Variants in TMEM163 observed in about 807,000 individuals in gnomAD.
TMEM163 encodes the protein transmembrane protein 163.
Under a neutral mutation model 29.3 loss-of-function variants are expected in TMEM163, and 17 were observed. The observed-to-expected ratio is 0.58, with a 90% CI of 0.40 to 0.87. The LOEUF is 0.87. Among genes scored for constraint, TMEM163 ranks in the 40% least tolerant of loss-of-function variants. TMEM163 has a pLI of 0.00. For missense variants in TMEM163, 303 were observed against 381.5 expected, an observed-to-expected ratio of 0.79 and a Z score of 1.71; for synonymous variants, 157 against 160.6, an observed-to-expected ratio of 0.98 and a Z score of 0.17.
chr2:134,581,141 C>T (rs981158151), intron 2 of TMEM163, among the ~76,000 whole-genome samples: 1 of 152,144 alleles, frequency 6.6e-6, no homozygotes, highest in Admixed American at 6.5e-5. Context: ...TGGGGCAAAT[C>T]CGACGGAAAA....
At chr2:134,648,555 C>A (rs781315637) in intron 2 of TMEM163, among the ~76,000 whole-genome samples, 34 of 152,122 alleles carry the variant, frequency 2.2e-4, no homozygotes, top group Non-Finnish European at 4.1e-4. Flanking sequence ...CTATCACTAC[C>A]TGATGAGTAG....
At chr2:134,509,268 C>G (rs1558927665) in intron 4 of TMEM163, among the ~76,000 whole-genome samples, 1 of 152,190 alleles carries the variant, frequency 6.6e-6, no homozygotes, top group African/African-American at 2.4e-5. Flanking sequence ...CAAATGGCCA[C>G]ATGTAGTTGG....
chr2:134,532,421 A>G (rs1404114673), intron 4 of TMEM163, among the ~76,000 whole-genome samples: 1 of 152,190 alleles, frequency 6.6e-6, no homozygotes, highest in African/African-American at 2.4e-5. Context: ...CGGAAAAATT[A>G]CTCTGGAATC....
intron 2 of TMEM163, among the ~76,000 whole-genome samples, chr2:134,695,247 T>G (rs1157467695): frequency 6.6e-6 from 1 of 152,004 alleles, no homozygotes; most frequent in Non-Finnish European, 1.5e-5. Context: ...TGGCTAATTT[T>G]TTGTATTTCC....
intron 4 of TMEM163, among the ~76,000 whole-genome samples, chr2:134,524,283 T>C (rs1380349924): frequency 6.6e-6 from 1 of 152,016 alleles, no homozygotes; most frequent in Non-Finnish European, 1.5e-5. Context: ...GCCATAGAGG[T>C]GTAATTGGTC....
intron 2 of TMEM163, among the ~76,000 whole-genome samples, chr2:134,571,766 T>C (rs1681437038): frequency 6.6e-6 from 1 of 152,278 alleles, no homozygotes; most frequent in African/African-American, 2.4e-5. Context: ...TAGCATCAAG[T>C]TGGGACAACA....
intron 4 of TMEM163, among the ~76,000 whole-genome samples, chr2:134,524,268 A>G (rs1326786463): frequency 1.3e-5 from 2 of 152,094 alleles, no homozygotes; most frequent in African/African-American, 4.8e-5. Flanking sequence ...TGGGTCCCAC[A>G]CTCAGCCATA....
chr2:134,490,737 T>G (rs1351138622), intron 5 of TMEM163, among the ~76,000 whole-genome samples: 1 of 152,140 alleles, frequency 6.6e-6, no homozygotes, highest in Non-Finnish European at 1.5e-5. Flanking sequence ...CTATGATAGA[T>G]GGAGGCTGGA....
At chr2:134,519,095 A>C (rs1292313872) in intron 4 of TMEM163, among the ~76,000 whole-genome samples, 1 of 152,200 alleles carries the variant, frequency 6.6e-6, no homozygotes, top group African/African-American at 2.4e-5. Flanking sequence ...ACGTCCAACC[A>C]AAAGTGACAG....
chr2:134,458,334 G>A, intron 6 of TMEM163, 161 bp from the exon 7 acceptor site: 1 of 751,494 alleles, frequency 1.3e-6, no homozygotes, highest in Non-Finnish European at 2.2e-6. Context: ...TCAAGTCTCT[G>A]CTCAAATGTC....
Position 134,481,381 on chromosome 2 carries a change from G to C in TMEM163, c.556-15156C>G, listed in dbSNP as rs866171333. ...TAGTGGGAGGTAATTGAATCATGGG[G>C]GGGGGGGGAGCTTTTCCTGTGCTAT... On this transcript the variant is annotated intron_variant, in intron 5 of 7. Transcript: ENST00000281924. Among the ~76,000 whole-genome samples the C allele has an allele frequency of 4.7e-4, 71 of 151,576 alleles. No individual in the cohort carries two copies. In the East Asian group the frequency reaches 6.3e-3, roughly 13 times the overall value.
intron 2 of TMEM163, among the ~76,000 whole-genome samples, chr2:134,555,980 G>A (rs1475783002): frequency 6.6e-6 from 1 of 152,180 alleles, no homozygotes; most frequent in Non-Finnish European, 1.5e-5. Flanking sequence ...AATTCAATTT[G>A]AGCCAATGAG....
At chr2:134,463,093 G>A (rs1558910886) in intron 6 of TMEM163, among the ~76,000 whole-genome samples, 1 of 152,198 alleles carries the variant, frequency 6.6e-6, no homozygotes, top group Non-Finnish European at 1.5e-5. Flanking sequence ...AAGGGCTCCT[G>A]CCCTTCCCTC....
intron 5 of TMEM163, among the ~76,000 whole-genome samples, chr2:134,470,952 A>G (rs1178048924): frequency 2.0e-5 from 3 of 152,218 alleles, no homozygotes; most frequent in African/African-American, 7.2e-5. Flanking sequence ...CGGGAAGAAC[A>G]CTTGAAGCCA....
intron 2 of TMEM163, among the ~76,000 whole-genome samples, chr2:134,610,871 G>T (rs1021293809): frequency 2.6e-5 from 4 of 152,086 alleles, no homozygotes; most frequent in African/African-American, 9.7e-5. Flanking sequence ...CAGAGCTTGG[G>T]CTAATTGCTA....
intron 4 of TMEM163, among the ~76,000 whole-genome samples, chr2:134,520,344 T>C (rs1178782405): frequency 6.6e-6 from 1 of 152,200 alleles, no homozygotes; most frequent in Non-Finnish European, 1.5e-5. Flanking sequence ...GGCTATCCCT[T>C]CTTGCTTGCT....
intron 5 of TMEM163, among the ~76,000 whole-genome samples, chr2:134,481,752 C>T (rs1431150243): frequency 2.0e-5 from 3 of 151,194 alleles, no homozygotes; most frequent in East Asian, 3.9e-4. Flanking sequence ...AGGAGATCAT[C>T]TCCCTTCATG....
intron 5 of TMEM163, among the ~76,000 whole-genome samples, chr2:134,474,437 C>T (rs1686870721): frequency 2.4e-5 from 2 of 82,202 alleles, no homozygotes; most frequent in South Asian, 1.3e-3. Flanking sequence ...CTAATATCAA[C>T]CAACGGTGAA....
At chr2:134,565,859 A>G (rs1262811542) in intron 2 of TMEM163, among the ~76,000 whole-genome samples, 1 of 152,236 alleles carries the variant, frequency 6.6e-6, no homozygotes, top group Non-Finnish European at 1.5e-5. Context: ...TAATCTATGT[A>G]TGATTTGGTT....
Sources: gnomAD v4.1 joint callset for allele counts (sites outside exome capture counted in the v4.1 genomes callset) on GRCh38, gnomAD v4.1.1 for gene constraint, MANE v1.5 for transcripts, NCBI Gene and HGNC (gene_info 2026-07-23, HGNC 2026-07-21) for gene names.